The following REEP1 variants were observed in gnomAD, a reference collection of about 807,000 sequenced individuals.
The protein encoded by REEP1 is receptor expression-enhancing protein 1.
REEP1 carries 22 observed loss-of-function variants against 40.3 expected under a neutral mutation model. That is an observed-to-expected ratio of 0.55 (90% CI 0.39 to 0.78). The LOEUF (loss-of-function observed/expected upper bound fraction) is 0.78, where lower values mean the gene tolerates loss of function less well. Ranked by LOEUF, REEP1 falls within the 30% of genes least tolerant of loss-of-function variation. The pLI is 0.00. For synonymous variants in REEP1, 116 were observed against 139.2 expected (o/e 0.83, Z 1.17); for missense variants, 280 against 361.1 (o/e 0.78, Z 1.82).
In REEP1 at chr2:86,221,452, T is replaced by C. The variant is rs909874301; in HGVS notation, c.632-1331A>G. On this transcript the variant is annotated intron_variant, in intron 7 of 8. Transcript: ENST00000538924. ...TCAGCTTATTTACTCTGGGCTTAGT[T>C]TGTCCTCTGCTCCCTTCCTCTGTCC... Among the ~76,000 whole-genome samples, 7 of 152,178 alleles carry C rather than the reference T, an allele frequency of 4.6e-5. No individual in the cohort carries two copies. In the South Asian group the frequency reaches 1.5e-3, roughly 32 times the overall value.
chr2:86,328,922 C>T (rs1368068477), intron 1 of REEP1, among the ~76,000 whole-genome samples: 2 of 152,174 alleles, frequency 1.3e-5, no homozygotes, highest in Non-Finnish European at 2.9e-5. Flanking sequence ...GGCTGTTAAC[C>T]AGCTCAGTGG....
chr2:86,282,125 A>G (rs1343859127), intron 2 of REEP1, 45 bp downstream of exon 2: 2 of 1,345,658 alleles, frequency 1.5e-6, no homozygotes, highest in South Asian at 1.2e-5. Flanking sequence ...TTCACACCTG[A>G]CCTGACTCCA....
intron 4 of REEP1, among the ~76,000 whole-genome samples, chr2:86,252,801 A>T (rs545530214): frequency 3.9e-5 from 6 of 152,378 alleles, no homozygotes; most frequent in Admixed American, 1.3e-4. Context: ...ATATTCAAAT[A>T]AAATCAGAAA....
intron 5 of REEP1, among the ~76,000 whole-genome samples, chr2:86,247,796 C>T (rs11127021): frequency 0.36 from 54,969 of 151,832 alleles, 11,992 homozygotes; most frequent in East Asian, 0.59. Context: ...GTCTCGAACT[C>T]CTGGCTTCAA....
chr2:86,318,317 G>A (rs562719482), intron 1 of REEP1, among the ~76,000 whole-genome samples: 1 of 151,216 alleles, frequency 6.6e-6, no homozygotes, highest in Non-Finnish European at 1.5e-5. Flanking sequence ...ATACAAAAAA[G>A]ACTTACAAAA....
In REEP1 at chr2:86,264,016, A is replaced by G; in HGVS notation, c.131T>C (p.Ile44Thr). The change falls in exon 3 of 9, where the codon ATA (isoleucine) becomes ACA (threonine). Residue 44 changes from isoleucine (I) to threonine (T), a missense_variant. This residue lies in a region of REEP1 where 68 missense variants were observed against 83.7 expected (regional missense o/e 0.81). Coordinates refer to ENST00000538924, the MANE Select transcript of REEP1 (RefSeq NM_001371279.1). ...EYVKWMMYWIIFALFTTAETF... is the reference protein window; with the variant it reads ...EYVKWMMYWITFALFTTAETF... ...CTCTGCTGTGGTGAAAAGTGCAAAT[A>G]TAATCCAGTACATCATCCATTTGAC... 1 of 1,613,698 alleles carries G rather than the reference A, an allele frequency of 6.2e-7. No individual in the cohort carries two copies. Among genetic ancestry groups the G allele is most frequent in the Non-Finnish European group, 8.5e-7 (1 of 1,179,586 alleles).
intron 1 of REEP1, among the ~76,000 whole-genome samples, chr2:86,333,553 A>G (rs1005160895): frequency 6.6e-6 from 1 of 152,230 alleles, no homozygotes; most frequent in Non-Finnish European, 1.5e-5. Context: ...TACTAATCCC[A>G]TAAGGGGTGA....
At position 86,219,964 on chromosome 2, in the gene REEP1, G is replaced by A; in HGVS notation, c.783+6C>T. 8.1e-7 allele frequency: 1 copy of A among 1,232,096 alleles called. No individual in the cohort carries two copies. Among genetic ancestry groups the A allele is most frequent in the Non-Finnish European group, 1.0e-6 (1 of 987,954 alleles). 76.3% of individuals were successfully genotyped at this position (1,232,096 alleles called of 1,614,324 possible). Reference sequence around the variant, plus strand: ...ACTCCAACCCACAGCCCCAGACACTGTGTACCTCCAGGGGCAATTCCATCC... The same window carrying A: ...ACTCCAACCCACAGCCCCAGACACTATGTACCTCCAGGGGCAATTCCATCC... On this transcript the variant is annotated splice_donor_region_variant and intron_variant, in intron 8 of 8. Coordinates refer to ENST00000538924, the MANE Select transcript of REEP1 (RefSeq NM_001371279.1).
chr2:86,240,412 G>A (rs1443670518), intron 5 of REEP1, among the ~76,000 whole-genome samples: 3 of 152,348 alleles, frequency 2.0e-5, no homozygotes, highest in East Asian at 3.9e-4. Flanking sequence ...GGCTGAGCAC[G>A]TGCAGAGGCC....
intron 1 of REEP1, among the ~76,000 whole-genome samples, chr2:86,291,767 T>C (rs192124732): frequency 3.3e-5 from 5 of 152,338 alleles, no homozygotes; most frequent in Admixed American, 3.3e-4. Flanking sequence ...ATACTGCCTT[T>C]CTTAGCATGA....
intron 1 of REEP1, among the ~76,000 whole-genome samples, chr2:86,320,311 CAAG>C (rs1226274230): frequency 2.0e-5 from 3 of 152,186 alleles, no homozygotes; most frequent in Non-Finnish European, 2.9e-5. Context: ...TTTAAAATCT[CAAG>C]AAATTACTTT....
intron 2 of REEP1, among the ~76,000 whole-genome samples, chr2:86,280,808 G>C (rs1205813611): frequency 1.3e-5 from 2 of 152,104 alleles, no homozygotes; most frequent in African/African-American, 4.8e-5. Context: ...GGTGAGTTCT[G>C]GTTGCAGTTG....
At chr2:86,260,101 C>T (rs1372472412) in intron 3 of REEP1, among the ~76,000 whole-genome samples, 3 of 152,104 alleles carry the variant, frequency 2.0e-5, no homozygotes, top group Admixed American at 6.5e-5. Context: ...TGTGCCTGTT[C>T]TCAGGGTGAG....
chr2:86,274,229 C>A (rs1259590832), intron 2 of REEP1, among the ~76,000 whole-genome samples: 2 of 152,098 alleles, frequency 1.3e-5, no homozygotes, highest in Non-Finnish European at 1.5e-5. Context: ...CTTGCACCAA[C>A]AAGAAAGTAA....
chr2:86,236,852 A>G (rs953058502), intron 5 of REEP1, among the ~76,000 whole-genome samples: 11 of 151,912 alleles, frequency 7.2e-5, no homozygotes, highest in African/African-American at 2.4e-4. Context: ...CTCTTGCCTC[A>G]ACCTCCAGAG....
intron 1 of REEP1, among the ~76,000 whole-genome samples, chr2:86,288,029 A>ATTTTTTTTTTTTTTTTTTTTTTTTTTT (rs1558916443): frequency 2.0e-5 from 3 of 148,484 alleles, no homozygotes; most frequent in Admixed American, 6.6e-5. Context: ...TTTTATTTTT[A>ATTTTTTTTTTTTTTTTTTTTTTTTTTT]TTATTTTTTT....
intron 1 of REEP1, among the ~76,000 whole-genome samples, chr2:86,282,878 T>A (rs1415113196): frequency 1.3e-5 from 2 of 152,166 alleles, no homozygotes; most frequent in East Asian, 1.9e-4. Flanking sequence ...CACTAAATGA[T>A]CTTGTGCTCA....
At chr2:86,277,649 C>T (rs1167671421) in intron 2 of REEP1, among the ~76,000 whole-genome samples, 1 of 151,906 alleles carries the variant, frequency 6.6e-6, no homozygotes, top group African/African-American at 2.4e-5. Flanking sequence ...AAGATTTGGG[C>T]CCCATCACAG....
chr2:86,254,099 T>C (rs186445182), intron 4 of REEP1, among the ~76,000 whole-genome samples: 8 of 152,344 alleles, frequency 5.3e-5, no homozygotes, highest in Admixed American at 5.2e-4. Context: ...CAAGTAGAAA[T>C]GGATTTGTGT....
Sources: allele counts gnomAD v4.1 joint callset (sites outside exome capture counted in the v4.1 genomes callset), GRCh38; gene constraint gnomAD v4.1.1; regional missense constraint gnomAD v4.1.1; transcripts MANE v1.5; gene names NCBI Gene and HGNC (gene_info 2026-07-23, HGNC 2026-07-21).